The following LRSAM1 variants were observed in gnomAD, a reference collection of about 807,000 sequenced individuals.
LRSAM1 encodes E3 ubiquitin-protein ligase LRSAM1.
A neutral mutation model predicts 118.1 loss-of-function variants in LRSAM1; 96 were observed. The observed-to-expected ratio is 0.81, with a 90% CI of 0.69 to 0.96. The LOEUF (loss-of-function observed/expected upper bound fraction) is 0.96, where lower values mean the gene tolerates loss of function less well. Ranked by LOEUF, LRSAM1 falls within the 40% of genes least tolerant of loss-of-function variation. The pLI is 0.00. For missense variants in LRSAM1, 804 were observed against 915.5 expected (o/e 0.88, Z 1.57); for synonymous variants, 322 against 364.2 (o/e 0.88, Z 1.32).
chr9:127,496,964 G>A (rs1489738453), intron 23 of LRSAM1, among the ~76,000 whole-genome samples: 1 of 152,266 alleles, frequency 6.6e-6, no homozygotes, highest in African/African-American at 2.4e-5. Flanking sequence ...GCACCGGGAA[G>A]CAGTTGCTAA....
intron 10 of LRSAM1, among the ~76,000 whole-genome samples, chr9:127,468,714 G>A (rs568648029): frequency 2.1e-4 from 31 of 148,666 alleles, no homozygotes; most frequent in Non-Finnish European, 3.7e-4. Context: ...GGTGGCTTGC[G>A]CCTGTAATCC....
chr9:127,494,588 C>T (rs1473333256), intron 21 of LRSAM1, among the ~76,000 whole-genome samples: 2 of 152,260 alleles, frequency 1.3e-5, no homozygotes, highest in African/African-American at 2.4e-5. Context: ...TGTTTGTTCA[C>T]TGCTGTATTC....
At chr9:127,456,234 GT>G (rs757438041) in intron 5 of LRSAM1, among the ~76,000 whole-genome samples, 3,340 of 132,174 alleles carry the variant, frequency 0.025, 43 homozygotes, top group Non-Finnish European at 0.041. Context: ...AGTTTTGTTT[GT>G]TTTTTTTTTT....
chr9:127,501,012 C>G lies in LRSAM1; in HGVS notation c.1915C>G (p.Leu639Val), dbSNP rs1183405897. Reference protein sequence around the residue: ...LLDAARIQPELKPPMGEVVTP... With the variant: ...LLDAARIQPEVKPPMGEVVTP... ...GTCTGTCTGTCTGGTCCCCACAGAG[C>G]TGAAACCACCAATGGGTGAGGTCGT... The change falls in exon 25 of 26, where the codon CTG becomes GTG. Residue 639 changes from leucine (L) to valine (V), a missense_variant and splice_region_variant. Leu to Val is a conservative substitution (Grantham distance 32). Coordinates refer to ENST00000300417, the MANE Select transcript of LRSAM1 (RefSeq NM_001005373.4). 5 of 1,613,968 alleles carry G rather than the reference C, an allele frequency of 3.1e-6. No individual in the cohort carries two copies. Among genetic ancestry groups the G allele is most frequent in the Admixed American group, 3.3e-5 (2 of 60,018 alleles).
chr9:127,475,894 C>T (rs1347721520), intron 11 of LRSAM1, among the ~76,000 whole-genome samples: 2 of 152,108 alleles, frequency 1.3e-5, no homozygotes, highest in Non-Finnish European at 2.9e-5. Context: ...GGATGCGCCA[C>T]CATGCCCGGC....
rs1836455807 is a variant in LRSAM1, at chr9:127,502,952, C to G, written c.*53C>G. ...CTAGCCCTGCCTCGGCCACTGTGAGCCCCGGGCTCCTGCTCAGCCTTGTGC... is the reference window on the plus strand; with the variant it reads ...CTAGCCCTGCCTCGGCCACTGTGAGGCCCGGGCTCCTGCTCAGCCTTGTGC... On this transcript the variant is annotated 3_prime_UTR_variant, in exon 26 of 26. Coordinates refer to ENST00000300417, the MANE Select transcript of LRSAM1 (RefSeq NM_001005373.4). 1 of 1,553,234 alleles carries G rather than the reference C, an allele frequency of 6.4e-7. No individual in the cohort carries two copies. Among genetic ancestry groups the G allele is most frequent in the African/African-American group, 1.4e-5 (1 of 73,174 alleles).
intron 20 of LRSAM1, among the ~76,000 whole-genome samples, chr9:127,492,223 G>T (rs146197371): frequency 6.6e-6 from 1 of 152,366 alleles, no homozygotes; most frequent in African/African-American, 2.4e-5. Context: ...CATCGGAGAA[G>T]GCTGAGCTAG....
Position 127,479,518 on chromosome 9 carries a change from C to A in LRSAM1, c.903+13C>A, listed in dbSNP as rs1239122923. ...GACGGTCAAGGAGGTTTGTGAGCCG[C>A]CTGCTAGGGTCCAGCCTGGCTGCAT... On this transcript the variant is annotated intron_variant, in intron 13 of 25. Coordinates refer to ENST00000300417, the MANE Select transcript of LRSAM1 (RefSeq NM_001005373.4). 2 of 1,613,394 alleles carry A rather than the reference C, an allele frequency of 1.2e-6. No individual in the cohort carries two copies. Among genetic ancestry groups the A allele is most frequent in the Non-Finnish European group, 1.7e-6 (2 of 1,179,836 alleles).
intron 24 of LRSAM1, among the ~76,000 whole-genome samples, chr9:127,497,991 A>G (rs1399149865): frequency 2.0e-5 from 3 of 152,242 alleles, no homozygotes; most frequent in Non-Finnish European, 4.4e-5. Context: ...TTGCTGGCAG[A>G]TGGTGGAGCC....
At chr9:127,498,712 A>G (rs934389928) in intron 24 of LRSAM1, among the ~76,000 whole-genome samples, 1 of 152,128 alleles carries the variant, frequency 6.6e-6, no homozygotes, top group African/African-American at 2.4e-5. Context: ...GAAACCCTCA[A>G]TTTCCTAGCA....
intron 24 of LRSAM1, among the ~76,000 whole-genome samples, chr9:127,499,212 A>AAAAT (rs964999332): frequency 3.1e-4 from 47 of 152,124 alleles, no homozygotes; most frequent in African/African-American, 1.1e-3. Context: ...TTCTCTACAA[A>AAAAT]AAATAAAATA....
In LRSAM1 at chr9:127,461,156, C is replaced by A; in HGVS notation, c.322-17C>A. 1 of 1,605,208 alleles carries A rather than the reference C, an allele frequency of 6.2e-7. No individual in the cohort carries two copies. Among genetic ancestry groups the A allele is most frequent in the South Asian group, 1.1e-5 (1 of 90,864 alleles). ...GGCATAAGCCACTGCGCCTGGCTGC[C>A]TCTTCCTCTTTCTTAGGTCTTAAAC... On this transcript the variant is annotated splice_polypyrimidine_tract_variant and intron_variant, in intron 7 of 25. Coordinates refer to ENST00000300417, the MANE Select transcript of LRSAM1 (RefSeq NM_001005373.4).
intron 17 of LRSAM1, among the ~76,000 whole-genome samples, chr9:127,486,253 C>T (rs1022716565): frequency 2.6e-5 from 4 of 152,226 alleles, no homozygotes; most frequent in Admixed American, 6.5e-5. Context: ...GAGGGGTGTG[C>T]TCTTGACTGT....
At chr9:127,491,184 A>T (rs775297627) in intron 19 of LRSAM1, 31 bp from the exon 20 acceptor site, 5 of 1,544,180 alleles carry the variant, frequency 3.2e-6, no homozygotes, top group East Asian at 2.3e-5. Context: ...TAATGTGAGT[A>T]AAAAAAAACC....
intron 7 of LRSAM1, among the ~76,000 whole-genome samples, chr9:127,459,759 A>G (rs369596022): frequency 1.3e-5 from 2 of 151,462 alleles, no homozygotes; most frequent in African/African-American, 4.8e-5. Context: ...TGTTTTCACC[A>G]TGTTGGCCAG....
Position 127,478,932 on chromosome 9 carries a change from A to G in LRSAM1, c.751-2A>G. The G allele has an allele frequency of 1.2e-6, 2 of 1,614,120 alleles. No individual in the cohort carries two copies. The highest frequency in any genetic ancestry group is 4.5e-5 in the East Asian group (2 of 44,886). On this transcript the variant is annotated splice_acceptor_variant, in intron 11 of 25. Coordinates refer to ENST00000300417, the MANE Select transcript of LRSAM1 (RefSeq NM_001005373.4). LOFTEE classifies it high-confidence loss of function. Reference sequence around the variant, plus strand: ...TTGACCACTGTCTTTTTTTCCTCCCAGAACAGGTTCTCAGACTATGAGAAG... The same window carrying G: ...TTGACCACTGTCTTTTTTTCCTCCCGGAACAGGTTCTCAGACTATGAGAAG...
chr9:127,474,116 C>T (rs1018524940), intron 11 of LRSAM1, among the ~76,000 whole-genome samples, 185 bp downstream of exon 11: 10 of 152,318 alleles, frequency 6.6e-5, no homozygotes, highest in South Asian at 4.1e-4. Context: ...GTGGCAGCCT[C>T]ACCCCACCAG....
chr9:127,500,859 G>T lies in LRSAM1; in HGVS notation c.1913-151G>T, dbSNP rs1038106410. On this transcript the variant is annotated intron_variant, in intron 24 of 25. Transcript: ENST00000300417. ...AGAGAAGAGAAGAAGAGAGTGTGTG[G>T]CAAGGAGAGCACTTCCCTCAGATCT... is the stretch of plus-strand genomic sequence containing the variant. The T allele has an allele frequency of 1.3e-5, 13 of 1,022,712 alleles. No homozygotes were observed. The African/African-American group carries it at 1.7e-4, about 14-fold the overall frequency. 63.4% of individuals were successfully genotyped at this position (1,022,712 alleles called of 1,614,324 possible).
intron 20 of LRSAM1, among the ~76,000 whole-genome samples, chr9:127,491,894 C>A (rs1835947882): frequency 6.6e-6 from 1 of 152,212 alleles, no homozygotes. Context: ...AGAGGCAGCC[C>A]TTTCCCCTCT....
Sources: gnomAD v4.1 joint callset for allele counts (sites outside exome capture counted in the v4.1 genomes callset) on GRCh38, gnomAD v4.1.1 for gene constraint, MANE v1.5 for transcripts, NCBI Gene and HGNC (gene_info 2026-07-23, HGNC 2026-07-21) for gene names.